FGD4: variants seen among roughly 807,000 people sequenced by gnomAD.
The protein encoded by FGD4 is FYVE, RhoGEF and PH domain-containing protein 4.
In FGD4, 42 loss-of-function variants were observed where a neutral mutation model predicts 102.0. The observed-to-expected ratio is 0.41, with a 90% confidence interval of 0.32 to 0.53. The LOEUF (loss-of-function observed/expected upper bound fraction) is 0.53. FGD4 is among the 20% of genes least tolerant of loss of function. FGD4 has a pLI of 0.21. For missense variants in FGD4, 902 were observed against 1,078.2 expected, an observed-to-expected ratio of 0.84 and a Z score of 2.29; for synonymous variants, 380 against 375.7, an observed-to-expected ratio of 1.01 and a Z score of -0.13.
chr12:32,593,978 A>G (rs984850328), intron 4 of FGD4, among the ~76,000 whole-genome samples: 27 of 152,218 alleles, frequency 1.8e-4, no homozygotes, highest in African/African-American at 5.3e-4. Context: ...GAAAGGAAAG[A>G]TCACTAGGTA....
intron 1 of FGD4, among the ~76,000 whole-genome samples, chr12:32,555,569 C>CTTTT (rs776546962): frequency 9.3e-5 from 11 of 118,752 alleles, no homozygotes; most frequent in South Asian, 2.9e-4. Flanking sequence ...GAGACAAGGT[C>CTTTT]TTTTTTTTTT....
chr12:32,442,561 C>T (rs1490994554), intron 1 of FGD4, among the ~76,000 whole-genome samples: 5 of 107,102 alleles, frequency 4.7e-5, no homozygotes, highest in East Asian at 5.4e-4. Context: ...ATCTTTCATC[C>T]TTTTTTTTTT....
intron 1 of FGD4, among the ~76,000 whole-genome samples, chr12:32,410,006 CAAAAAA>C (rs35504493): frequency 9.2e-6 from 1 of 108,928 alleles, no homozygotes; most frequent in Admixed American, 9.7e-5. Flanking sequence ...TCTTGTCTCT[CAAAAAA>C]AAAAAAAAAA....
intron 16 of FGD4, 152 bp from the exon 17 acceptor site, chr12:32,640,124 C>T: frequency 2.6e-6 from 3 of 1,150,764 alleles, no homozygotes; most frequent in Non-Finnish European, 1.3e-6. Flanking sequence ...AGGCTCTGTA[C>T]TAAGCAATGG....
chr12:32,533,174 A>G (rs2136850470), intron 1 of FGD4, among the ~76,000 whole-genome samples: 1 of 152,178 alleles, frequency 6.6e-6, no homozygotes, highest in East Asian at 1.9e-4. Flanking sequence ...TGTCACTGTC[A>G]CCTGGGAGCT....
At chr12:32,441,999 A>G (rs1206504474) in intron 1 of FGD4, among the ~76,000 whole-genome samples, 3 of 150,280 alleles carry the variant, frequency 2.0e-5, no homozygotes, top group African/African-American at 4.9e-5. Context: ...TGCTGCTCTC[A>G]GGGTGGGGGA....
intron 1 of FGD4, among the ~76,000 whole-genome samples, chr12:32,445,441 A>G (rs545391349): frequency 1.7e-3 from 265 of 152,326 alleles, no homozygotes; most frequent in South Asian, 7.7e-3. Flanking sequence ...AGGAATGATT[A>G]GGTTGCAAAT....
chr12:32,469,730 A>G (rs939696272), intron 1 of FGD4, among the ~76,000 whole-genome samples: 4 of 149,392 alleles, frequency 2.7e-5, no homozygotes, highest in Admixed American at 6.7e-5. Flanking sequence ...CATAATCTCG[A>G]CTCATCGCAA....
chr12:32,464,704 A>G (rs564962294), intron 1 of FGD4, among the ~76,000 whole-genome samples: 104 of 152,314 alleles, frequency 6.8e-4, no homozygotes, highest in Middle Eastern at 6.8e-3. Flanking sequence ...AATTACTCCA[A>G]TTTTTATAGA....
At position 32,602,185 on chromosome 12, in the gene FGD4, C is replaced by T. The variant is rs757030922; in HGVS notation, c.1272C>T (p.Asp424=). 2 of 1,613,960 alleles carry T rather than the reference C, an allele frequency of 1.2e-6. No homozygotes were observed. The highest frequency in any genetic ancestry group is 1.7e-5 in the Admixed American group (1 of 60,006). The change falls in exon 7 of 17, where the codon GAC becomes GAT. Residue 424 remains aspartate, a synonymous_variant. Transcript: ENST00000534526. ...QEWETTPRIG[D]ILQKLAPFLK... is the part of the protein sequence containing the mutation. ...GGGAAACTACTCCTAGAATTGGAGA[C>T]ATCCTTCAGAAATTGGCACCATTCC... is the stretch of plus-strand genomic sequence containing the variant.
chr12:32,473,460 C>G (rs1480051885), intron 1 of FGD4, among the ~76,000 whole-genome samples: 4 of 152,026 alleles, frequency 2.6e-5, no homozygotes, highest in African/African-American at 4.8e-5. Flanking sequence ...GTAACACTCA[C>G]CGCAAAGGTC....
chr12:32,430,033 C>T (rs946168731), intron 1 of FGD4, among the ~76,000 whole-genome samples: 4 of 151,878 alleles, frequency 2.6e-5, no homozygotes, highest in East Asian at 1.9e-4. Flanking sequence ...CTGGGCTGGG[C>T]GCGCTGGCTT....
At chr12:32,571,310 C>T (rs1426365609) in intron 2 of FGD4, among the ~76,000 whole-genome samples, 1 of 152,046 alleles carries the variant, frequency 6.6e-6, no homozygotes, top group African/African-American at 2.4e-5. Flanking sequence ...CAAAACTTAA[C>T]TGGGTGTGGT....
intron 1 of FGD4, among the ~76,000 whole-genome samples, chr12:32,545,312 G>A (rs1201904801): frequency 6.6e-6 from 1 of 152,170 alleles, no homozygotes; most frequent in Non-Finnish European, 1.5e-5. Context: ...CTGCTAATGA[G>A]TTCACAGAAA....
chr12:32,563,392 C>A lies in FGD4; in HGVS notation c.167-745C>A, dbSNP rs892241963. 3.3e-5 allele frequency among the ~76,000 whole-genome samples: 5 copies of A among 151,320 alleles called. No homozygotes were observed. In the South Asian group the frequency reaches 1.0e-3, roughly 32 times the overall value. On this transcript the variant is annotated intron_variant, in intron 1 of 16. Transcript: ENST00000534526. ...GGCGGGGCAGAGGTGCTCCCCACAT[C>A]TCAGACGATGGGCGGCCGGGCAGAG... is the stretch of plus-strand genomic sequence containing the variant.
chr12:32,454,632 A>G (rs1942901852), intron 1 of FGD4, among the ~76,000 whole-genome samples: 1 of 152,300 alleles, frequency 6.6e-6, no homozygotes, highest in East Asian at 1.9e-4. Flanking sequence ...ATTCCTTCAT[A>G]CTAAATGATT....
intron 1 of FGD4, among the ~76,000 whole-genome samples, chr12:32,489,933 C>G (rs1160631099): frequency 1.3e-5 from 2 of 152,046 alleles, no homozygotes; most frequent in African/African-American, 4.8e-5. Flanking sequence ...CTAAGGCTTT[C>G]TTTTTTATAC....
At chr12:32,591,888 C>T (rs980761430) in intron 4 of FGD4, among the ~76,000 whole-genome samples, 1 of 152,090 alleles carries the variant, frequency 6.6e-6, no homozygotes, top group African/African-American at 2.4e-5. Context: ...CAGTAACAGC[C>T]TAGGAAGTGC....
chr12:32,486,696 A>C (rs1943911966), intron 1 of FGD4, among the ~76,000 whole-genome samples: 1 of 152,222 alleles, frequency 6.6e-6, no homozygotes, highest in Non-Finnish European at 1.5e-5. Flanking sequence ...GGATTTCTTG[A>C]AATAACATTA....
Sources: allele counts gnomAD v4.1 joint callset (sites outside exome capture counted in the v4.1 genomes callset), GRCh38; gene constraint gnomAD v4.1.1; transcripts MANE v1.5; gene names NCBI Gene and HGNC (gene_info 2026-07-23, HGNC 2026-07-21).